The following GRIK4 variants were observed in gnomAD, a reference collection of about 807,000 sequenced individuals.
GRIK4 encodes the protein glutamate receptor ionotropic, kainate 4.
GRIK4 carries 40 observed loss-of-function variants against 104.9 expected under a neutral mutation model. The observed-to-expected ratio is 0.38, with a 90% confidence interval of 0.30 to 0.50. The LOEUF (loss-of-function observed/expected upper bound fraction) is 0.50. GRIK4 is among the 20% of genes least tolerant of loss of function. The probability of loss-of-function intolerance (pLI) is 0.93; values close to 1 mark genes in which losing one functional copy is unlikely to be tolerated. For missense variants in GRIK4, 1,047 were observed against 1,308.1 expected (o/e 0.80, Z 3.08); for synonymous variants, 485 against 524.9 (o/e 0.92, Z 1.04).
chr11:120,585,945 C>A (rs1024235175), intron 1 of GRIK4, among the ~76,000 whole-genome samples: 1 of 152,010 alleles, frequency 6.6e-6, no homozygotes, highest in Non-Finnish European at 1.5e-5. Flanking sequence ...GAGAGAAGCA[C>A]CTTTAGCAGT....
intron 13 of GRIK4, among the ~76,000 whole-genome samples, chr11:120,935,720 A>G (rs1943581838): frequency 6.6e-6 from 1 of 152,222 alleles, no homozygotes; most frequent in South Asian, 2.1e-4. Flanking sequence ...AAGATGAATA[A>G]GCCACCACCC....
intron 1 of GRIK4, among the ~76,000 whole-genome samples, chr11:120,531,599 T>C (rs1441259508): frequency 6.6e-6 from 1 of 151,468 alleles, no homozygotes; most frequent in African/African-American, 2.4e-5. Context: ...TTTTTGAGAC[T>C]GAGTCTTGCT....
chr11:120,645,624 G>A (rs537101050), intron 1 of GRIK4, among the ~76,000 whole-genome samples: 1 of 152,184 alleles, frequency 6.6e-6, no homozygotes, highest in African/African-American at 2.4e-5. Context: ...GAACATCAGT[G>A]TCCCTGTGCA....
rs539016440 is a variant in GRIK4, at chr11:120,806,838, C to T, written c.247+3981C>T. 3.9e-5 allele frequency among the ~76,000 whole-genome samples: 6 copies of T among 152,206 alleles called. No individual in the cohort carries two copies. The South Asian group carries it at 8.3e-4, about 21-fold the overall frequency. ...AGCCCCCTCGTCTGATGGTTGAAGG[C>T]GAGGCTCTGAGATGGAAAGTATCAC... is the stretch of plus-strand genomic sequence containing the variant. On this transcript the variant is annotated intron_variant, in intron 4 of 20. Transcript: ENST00000527524.
chr11:120,982,036 A>AT (rs1944661164), intron 19 of GRIK4, 70 bp from the exon 20 acceptor site: 5 of 1,048,562 alleles, frequency 4.8e-6, no homozygotes, highest in Non-Finnish European at 7.5e-6. Flanking sequence ...TGATTTTAGT[A>AT]TTTTTGATAA....
At chr11:120,649,226 G>C (rs571594733) in intron 1 of GRIK4, among the ~76,000 whole-genome samples, 1 of 152,168 alleles carries the variant, frequency 6.6e-6, no homozygotes, top group African/African-American at 2.4e-5. Flanking sequence ...GAGGGCTGAG[G>C]GGGGCTGATT....
Position 120,986,200 on chromosome 11 carries a change from CGCCCGCAGCGAGGAGA to C in GRIK4, c.2815_2830del (p.Arg939TrpfsTer111), listed in dbSNP as rs1944746819. On this transcript the variant is annotated frameshift_variant, in exon 21 of 21. Coordinates refer to ENST00000527524, the MANE Select transcript of GRIK4 (RefSeq NM_014619.5). LOFTEE classifies it high-confidence loss of function. ...AGGGCCTGCGGGCACGGCCGTCGCCCGCCCGCAGCGAGGAGAGCCTGGAGTGGGAGAAAACCACCAA... is the reference window on the plus strand; with the variant it reads ...AGGGCCTGCGGGCACGGCCGTCGCCCGCCTGGAGTGGGAGAAAACCACCAA... 2 of 1,569,208 alleles carry C rather than the reference CGCCCGCAGCGAGGAGA, an allele frequency of 1.3e-6. No homozygotes were observed. The highest frequency in any genetic ancestry group is 2.8e-5 in the African/African-American group (2 of 71,558).
intron 1 of GRIK4, among the ~76,000 whole-genome samples, chr11:120,622,297 T>G (rs1949199574): frequency 1.3e-5 from 2 of 152,142 alleles, no homozygotes; most frequent in Admixed American, 1.3e-4. Context: ...CTAGGTACTA[T>G]TACTACCCCC....
chr11:120,754,118 C>T (rs1951611607), intron 3 of GRIK4, among the ~76,000 whole-genome samples: 1 of 152,180 alleles, frequency 6.6e-6, no homozygotes, highest in South Asian at 2.1e-4. Flanking sequence ...GCAACCTCCA[C>T]TTCCCGAGTT....
chr11:120,986,382 C>A lies in GRIK4; in HGVS notation c.*122C>A, dbSNP rs753536733. ...TCGACACCTCTCCAGATTTCGGATC[C>A]AGTCACTTTTCAAAAAGATCAAGGA... is the stretch of plus-strand genomic sequence containing the variant. On this transcript the variant is annotated 3_prime_UTR_variant, in exon 21 of 21. Transcript: ENST00000527524. 1.9e-4 allele frequency: 237 copies of A among 1,258,504 alleles called. No individual in the cohort carries two copies. The highest frequency in any genetic ancestry group is 1.1e-3 in the Middle Eastern group (4 of 3,580). 78.0% of individuals were successfully genotyped at this position (1,258,504 alleles called of 1,614,324 possible).
At chr11:120,663,329 C>T (rs954888498) in intron 3 of GRIK4, among the ~76,000 whole-genome samples, 2 of 152,148 alleles carry the variant, frequency 1.3e-5, no homozygotes, top group African/African-American at 4.8e-5. Flanking sequence ...TCACAGCAGG[C>T]AGTGGTTTGG....
intron 3 of GRIK4, among the ~76,000 whole-genome samples, chr11:120,756,080 G>A (rs1951645945): frequency 6.6e-6 from 1 of 152,172 alleles, no homozygotes; most frequent in Non-Finnish European, 1.5e-5. Context: ...CCCTCATCAG[G>A]TAGGACTGAT....
At chr11:120,848,080 C>G (rs537768928) in intron 8 of GRIK4, among the ~76,000 whole-genome samples, 44 of 152,258 alleles carry the variant, frequency 2.9e-4, no homozygotes, top group African/African-American at 9.9e-4. Context: ...TGTTCCTGAC[C>G]CTGGAAGCCT....
At chr11:120,822,261 A>G (rs777509929) in intron 6 of GRIK4, among the ~76,000 whole-genome samples, 2 of 151,108 alleles carry the variant, frequency 1.3e-5, no homozygotes, top group African/African-American at 4.9e-5. Context: ...ATTGAGGTAC[A>G]CTGGAGTTCT....
intron 1 of GRIK4, among the ~76,000 whole-genome samples, chr11:120,629,271 T>C (rs146774969): frequency 2.1e-3 from 317 of 152,322 alleles, no homozygotes; most frequent in African/African-American, 7.0e-3. Flanking sequence ...CATGTGGCCT[T>C]GACAATTTCC....
chr11:120,824,937 G>GT (rs1953219147), intron 6 of GRIK4, among the ~76,000 whole-genome samples: 1 of 149,112 alleles, frequency 6.7e-6, no homozygotes, highest in Non-Finnish European at 1.5e-5. Flanking sequence ...TTGTTTGTTT[G>GT]TTTTTGAGAC....
intron 1 of GRIK4, chr11:120,564,611 C>T (rs1948287135): frequency 4.6e-5 from 7 of 152,450 alleles, no homozygotes; most frequent in Admixed American, 4.6e-4. Flanking sequence ...CGCCTTCCCG[C>T]AGCCGCAGTC....
rs35960396 is a variant in GRIK4, at chr11:120,841,486, C to T, written c.744+4642C>T. 9.8e-3 allele frequency among the ~76,000 whole-genome samples: 1,490 copies of T among 152,306 alleles called. 28 individuals are homozygous for T. The highest frequency in any genetic ancestry group is 0.033 in the African/African-American group (1,380 of 41,562). On this transcript the variant is annotated intron_variant, in intron 8 of 20. Transcript: ENST00000527524. ...TATACTATGTGTGTGTAGACACACA[C>T]ATACCAGATTTTGTGTATCCGTTCA...
chr11:120,683,309 G>A (rs143353491), intron 3 of GRIK4, among the ~76,000 whole-genome samples: 1 of 152,314 alleles, frequency 6.6e-6, no homozygotes, highest in African/African-American at 2.4e-5. Flanking sequence ...TAGGCTGGAT[G>A]TGAATGATGA....
Sources: allele counts gnomAD v4.1 joint callset (sites outside exome capture counted in the v4.1 genomes callset), GRCh38; gene constraint gnomAD v4.1.1; transcripts MANE v1.5; gene names NCBI Gene and HGNC (gene_info 2026-07-23, HGNC 2026-07-21).